The following BLK variants were observed in gnomAD, a reference collection of about 807,000 sequenced individuals.
BLK encodes the protein BLK proto-oncogene, Src family tyrosine kinase, also known as tyrosine-protein kinase Blk.
A neutral mutation model predicts 61.8 loss-of-function variants in BLK; 64 were observed. The observed-to-expected ratio is 1.03, with a 90% CI of 0.85 to 1.27. The LOEUF (loss-of-function observed/expected upper bound fraction) is 1.27, where lower values mean the gene tolerates loss of function less well. BLK is among the 50% of genes most tolerant of loss of function. The pLI, the probability that BLK is intolerant of heterozygous loss-of-function variation, is 0.00. For synonymous variants in BLK, 351 were observed against 272.0 expected (o/e 1.29, Z -2.86); for missense variants, 853 against 660.5 (o/e 1.29, Z -3.19).
chr8:11,530,996 T>A (rs1563445829), intron 1 of BLK, among the ~76,000 whole-genome samples: 1 of 152,218 alleles, frequency 6.6e-6, no homozygotes, highest in Non-Finnish European at 1.5e-5. Flanking sequence ...TCCATATGCT[T>A]GCCAACACTT....
chr8:11,511,315 G>C (rs1798998896), intron 1 of BLK, among the ~76,000 whole-genome samples: 1 of 152,026 alleles, frequency 6.6e-6, no homozygotes, highest in Non-Finnish European at 1.5e-5. Context: ...AGCGGGGAGG[G>C]ATAGCATTAG....
chr8:11,564,315 G>A lies in BLK; in HGVS notation c.*207G>A, dbSNP rs989639994. 24 of 717,798 alleles carry A rather than the reference G, an allele frequency of 3.3e-5. No individual in the cohort carries two copies. The highest frequency in any genetic ancestry group is 1.4e-4 in the African/African-American group (8 of 57,654). 44.5% of individuals were successfully genotyped at this position (717,798 alleles called of 1,614,324 possible). On this transcript the variant is annotated 3_prime_UTR_variant, in exon 13 of 13. Transcript: ENST00000259089. ...CGGGCGAGTTACGCGGCCTCTCTGT[G>A]CCGCTTCATTTGTAGAGGGCTGTAA... is the stretch of plus-strand genomic sequence containing the variant.
At chr8:11,559,147 G>A (rs748540686) in intron 10 of BLK, among the ~76,000 whole-genome samples, 7 of 152,276 alleles carry the variant, frequency 4.6e-5, no homozygotes, top group Non-Finnish European at 1.0e-4. Context: ...TGACCCAGGG[G>A]CAAAGGATGT....
intron 7 of BLK, 94 bp downstream of exon 7, chr8:11,554,983 C>T: frequency 1.3e-6 from 2 of 1,525,044 alleles, no homozygotes; most frequent in East Asian, 4.7e-5. Context: ...TTGGTGCCAC[C>T]TTGGGGGATG....
chr8:11,536,460 G>T (rs1800136918), intron 1 of BLK, among the ~76,000 whole-genome samples: 1 of 152,106 alleles, frequency 6.6e-6, no homozygotes, highest in Non-Finnish European at 1.5e-5. Flanking sequence ...GCAGGATCTT[G>T]GCTCACTGCA....
At chr8:11,519,857 A>G (rs565767926) in intron 1 of BLK, among the ~76,000 whole-genome samples, 1 of 152,342 alleles carries the variant, frequency 6.6e-6, no homozygotes, top group East Asian at 1.9e-4. Context: ...GAAAATGTGC[A>G]TATCCCTTGC....
chr8:11,529,986 T>C (rs1448205313), intron 1 of BLK, among the ~76,000 whole-genome samples: 1 of 152,244 alleles, frequency 6.6e-6, no homozygotes, highest in African/African-American at 2.4e-5. Flanking sequence ...TGGAATCTAA[T>C]AACAGGTGTG....
intron 8 of BLK, 174 bp downstream of exon 8, chr8:11,555,658 G>A (rs1042519713): frequency 2.9e-5 from 30 of 1,047,020 alleles, no homozygotes; most frequent in Admixed American, 2.2e-4. Flanking sequence ...GTGCAGAGCC[G>A]CGTTGTAACA....
At chr8:11,516,250 T>G (rs1024860877) in intron 1 of BLK, among the ~76,000 whole-genome samples, 18 of 152,184 alleles carry the variant, frequency 1.2e-4, no homozygotes, top group Non-Finnish European at 1.9e-4. Context: ...TGCGAGAGCC[T>G]GACGTCTTTC....
rs373560683 is a variant in BLK at position 11,555,391 on chromosome 8, A to C, written c.679A>C (p.Asn227His). ...GCCCTGTGTGCGCCCGGCCCCGCAG[A>C]ATCCCTGGGCCCAGGATGAATGGGA... The part of the protein sequence containing the change: ...TLPCVRPAPQ[N>H]PWAQDEWEIP... Residue 227 changes from asparagine (N) to histidine (H), a missense_variant, in exon 8 of 13, where the codon AAT becomes CAT. Coordinates refer to ENST00000259089, the MANE Select transcript of BLK (RefSeq NM_001715.3). The C allele has an allele frequency of 6.2e-7, 1 of 1,614,050 alleles. No homozygotes were observed. Among genetic ancestry groups the C allele is most frequent in the Non-Finnish European group, 8.5e-7 (1 of 1,180,040 alleles).
chr8:11,516,986 C>T (rs537180784), intron 1 of BLK, among the ~76,000 whole-genome samples: 14 of 152,166 alleles, frequency 9.2e-5, no homozygotes, highest in Non-Finnish European at 1.3e-4. Context: ...TTTAATTTGT[C>T]GAGGAGACTC....
intron 1 of BLK, among the ~76,000 whole-genome samples, chr8:11,504,037 T>C (rs1314313007): frequency 6.6e-6 from 1 of 152,134 alleles, no homozygotes; most frequent in Non-Finnish European, 1.5e-5. Context: ...AAAGATCCCA[T>C]TCACATCCAG....
chr8:11,559,148 C>T (rs1473985126), intron 10 of BLK, among the ~76,000 whole-genome samples: 1 of 152,162 alleles, frequency 6.6e-6, no homozygotes, highest in African/African-American at 2.4e-5. Context: ...GACCCAGGGG[C>T]AAAGGATGTG....
At chr8:11,559,456 G>A (rs1801383823) in intron 10 of BLK, among the ~76,000 whole-genome samples, 1 of 150,686 alleles carries the variant, frequency 6.6e-6, no homozygotes, top group Non-Finnish European at 1.5e-5. Flanking sequence ...CAAATACACA[G>A]ACTCAGACTC....
At chr8:11,554,683 C>T in intron 6 of BLK, 60 bp from the exon 7 acceptor site, 1 of 1,597,244 alleles carries the variant, frequency 6.3e-7, no homozygotes, top group South Asian at 1.1e-5. Context: ...GGCCCAAATC[C>T]CAGTCCCGTT....
intron 1 of BLK, among the ~76,000 whole-genome samples, chr8:11,499,449 G>A (rs1798477061): frequency 1.3e-5 from 2 of 152,206 alleles, no homozygotes; most frequent in African/African-American, 2.4e-5. Context: ...CTGTGTGTTT[G>A]GATCTCACAG....
At chr8:11,546,412 T>C (rs1256438305) in intron 3 of BLK, among the ~76,000 whole-genome samples, 2 of 152,182 alleles carry the variant, frequency 1.3e-5, no homozygotes, top group Non-Finnish European at 2.9e-5. Context: ...TTTTAAAATA[T>C]GCTAACTCTC....
rs1563119336 is a variant in BLK, at chr8:11,554,826, G to C, written c.556G>C (p.Gly186Arg). ...TAAGATCCGCTGCCTGGATGAAGGG[G>C]GCTACTACATCTCCCCCCGGATCAC... is the stretch of plus-strand genomic sequence containing the variant. ...HYKIRCLDEG[G>R]YYISPRITFP... The change falls in exon 7 of 13, where the codon GGC (glycine) becomes CGC (arginine). Residue 186 changes from glycine (G) to arginine (R), a missense_variant. Transcript: ENST00000259089. 1 of 1,614,008 alleles carries C rather than the reference G, an allele frequency of 6.2e-7. No individual in the cohort carries two copies. The highest frequency in any genetic ancestry group is 8.5e-7 in the Non-Finnish European group (1 of 1,179,990).
intron 1 of BLK, among the ~76,000 whole-genome samples, chr8:11,534,393 A>G (rs1479416971): frequency 6.6e-6 from 1 of 152,176 alleles, no homozygotes; most frequent in African/African-American, 2.4e-5. Context: ...ATAAATTTAC[A>G]TGGTGTTCCC....
Sources: gnomAD v4.1 joint callset for allele counts (sites outside exome capture counted in the v4.1 genomes callset) on GRCh38, gnomAD v4.1.1 for gene constraint, MANE v1.5 for transcripts, NCBI Gene and HGNC (gene_info 2026-07-23, HGNC 2026-07-21) for gene names.